Variants in AUNIP observed in about 807,000 individuals in gnomAD.
AUNIP encodes the protein aurora kinase A- and ninein-interacting protein.
Under a neutral mutation model 12.2 loss-of-function variants are expected in AUNIP, and 16 were observed. The observed-to-expected ratio is 1.31, with a 90% CI of 0.88 to 1.99. The LOEUF (loss-of-function observed/expected upper bound fraction) is 1.99, where lower values mean the gene tolerates loss of function less well. AUNIP is among the 30% of genes most tolerant of loss of function. AUNIP has a pLI of 0.00. For missense variants in AUNIP, 411 were observed against 419.1 expected, an observed-to-expected ratio of 0.98 and a Z score of 0.17; for synonymous variants, 142 against 154.8, an observed-to-expected ratio of 0.92 and a Z score of 0.61.
Position 25,835,399 on chromosome 1 carries a change from C to T in AUNIP, c.668G>A (p.Cys223Tyr). 6.2e-7 allele frequency: 1 copy of T among 1,614,254 alleles called. No individual in the cohort carries two copies. Among genetic ancestry groups the T allele is most frequent in the East Asian group, 2.2e-5 (1 of 44,886 alleles). Residue 223 changes from cysteine (C) to tyrosine (Y), a missense_variant, in exon 3 of 3, where the codon TGT (cysteine) becomes TAT (tyrosine). Transcript: ENST00000374298. ...CAATTTAGTCTTGCCTAAGGGCTGA[C>T]AGCATTTGTCCCCAGGTAGTTTGGT... is the stretch of plus-strand genomic sequence containing the variant. ...KHTKLPGDKC[C>Y]QPLGKTKLER...
Position 25,859,317 on chromosome 1 carries a change from C to A in AUNIP, c.41G>T (p.Trp14Leu). ...TGPEEEACGV[W>L]LDAAALKRRK... ...CCTCTTCAGCGCCGCCGCGTCCAGC[C>A]ACACGCCGCAGGCCTCCTCCTCGGG... is the stretch of plus-strand genomic sequence containing the variant. The change falls in exon 1 of 3, where the codon TGG (tryptophan) becomes TTG (leucine). Residue 14 changes from tryptophan (W) to leucine (L), a missense_variant. Coordinates refer to ENST00000374298, the MANE Select transcript of AUNIP (RefSeq NM_024037.3). 6.4e-7 allele frequency: 1 copy of A among 1,573,572 alleles called. No individual in the cohort carries two copies.
chr1:25,841,799 C>T (rs2048349399), intron 1 of AUNIP, among the ~76,000 whole-genome samples: 1 of 152,180 alleles, frequency 6.6e-6, no homozygotes, highest in African/African-American at 2.4e-5. Flanking sequence ...GCTGAGATTA[C>T]AGGCGTGAGC....
At chr1:25,832,191 A>C (rs1239181905), downstream of AUNIP, 20 of 1,537,252 alleles carry the variant, frequency 1.3e-5, no homozygotes, top group Non-Finnish European at 1.7e-5. Context: ...TATATTTCCC[A>C]GACTTCAAAC....
At chr1:25,832,712 C>G (rs1378387333), downstream of AUNIP, 1 of 156,240 alleles carries the variant, frequency 6.4e-6, no homozygotes, top group Non-Finnish European at 1.4e-5. Context: ...TAAAAACTTT[C>G]TCTTCCACGG....
rs1387903080 is a variant in AUNIP at position 25,834,717 on chromosome 1, T to C, written c.*276A>G. 8.1e-7 allele frequency: 1 copy of C among 1,231,864 alleles called. No individual in the cohort carries two copies. Among genetic ancestry groups the C allele is most frequent in the Non-Finnish European group, 1.0e-6 (1 of 983,744 alleles). 76.3% of individuals were successfully genotyped at this position (1,231,864 alleles called of 1,614,324 possible). On this transcript the variant is annotated 3_prime_UTR_variant, in exon 3 of 3. Transcript: ENST00000374298. The stretch of plus-strand genomic sequence containing the variant: ...GCAGGCTGAGTAAAAGGCACTTTCA[T>C]AGAGATAAATACCCACTGTGCTGCC...
intron 1 of AUNIP, among the ~76,000 whole-genome samples, chr1:25,857,396 C>T (rs537623391): frequency 6.6e-6 from 1 of 151,282 alleles, no homozygotes; most frequent in Non-Finnish European, 1.5e-5. Context: ...CAGGTACCTG[C>T]CACCACGCCC....
chr1:25,844,763 TC>T (rs1451510944), intron 1 of AUNIP, among the ~76,000 whole-genome samples: 3 of 152,184 alleles, frequency 2.0e-5, no homozygotes. Context: ...CACTCCTTCT[TC>T]CTTTATGCTT....
At position 25,843,183 on chromosome 1, in the gene AUNIP, A is replaced by AT. The variant is rs1188949749; in HGVS notation, c.79-5630_79-5629insA. Among the ~76,000 whole-genome samples the AT allele has an allele frequency of 6.1e-3, 697 of 114,246 alleles. 4 individuals are homozygous for AT. Among genetic ancestry groups the AT allele is most frequent in the African/African-American group, 0.013 (427 of 32,816 alleles). The allele number at this position is 114,246 out of a possible 152,430, so 74.9% of individuals were successfully genotyped here. On this transcript the variant is annotated intron_variant, in intron 1 of 2. Coordinates refer to ENST00000374298, the MANE Select transcript of AUNIP (RefSeq NM_024037.3). ...CAGAGACCCCATCTCAAAAAAAAAA[A>AT]AAATATATATATATATATATTTTAC... is the stretch of plus-strand genomic sequence containing the variant.
At chr1:25,832,463 T>C, downstream of AUNIP, 1 of 394,314 alleles carries the variant, frequency 2.5e-6, no homozygotes, top group South Asian at 2.9e-5. Context: ...CTATGAATGT[T>C]TGTATACATG....
At chr1:25,851,517 T>G (rs2048424148) in intron 1 of AUNIP, among the ~76,000 whole-genome samples, 1 of 152,216 alleles carries the variant, frequency 6.6e-6, no homozygotes, top group African/African-American at 2.4e-5. Flanking sequence ...TTGCAGGAAG[T>G]TTTAAAATTA....
Position 25,835,306 on chromosome 1 carries a change from C to T in AUNIP, c.761G>A (p.Trp254Ter). ...CACTGATTCTATGTTTTCTCCATTC[C>T]AGGATTCCCTGTATGTTTGAAGGAG... ...PVLLQTYRESWNGENIESVKQ... is the reference protein window; with the variant it reads ...PVLLQTYRES The change falls in exon 3 of 3, where the codon TGG (tryptophan) becomes TAG (stop). Residue 254 changes from tryptophan (W) to a stop codon, truncating the protein, a stop_gained. Transcript: ENST00000374298. LOFTEE classifies it high-confidence loss of function. 1 of 1,614,228 alleles carries T rather than the reference C, an allele frequency of 6.2e-7. No individual in the cohort carries two copies. Among genetic ancestry groups the T allele is most frequent in the Non-Finnish European group, 8.5e-7 (1 of 1,180,042 alleles).
chr1:25,853,228 A>G (rs2048436198), intron 1 of AUNIP, among the ~76,000 whole-genome samples: 1 of 152,236 alleles, frequency 6.6e-6, no homozygotes, highest in African/African-American at 2.4e-5. Flanking sequence ...ATTGTTCACA[A>G]AATCTTTCTT....
chr1:25,856,825 T>G (rs2048465286), intron 1 of AUNIP, among the ~76,000 whole-genome samples: 1 of 151,270 alleles, frequency 6.6e-6, no homozygotes, highest in Admixed American at 6.6e-5. Flanking sequence ...ATTAAACTGG[T>G]GGCTGGGTGC....
rs1023572603 is a variant in AUNIP at position 25,835,271 on chromosome 1, G to A, written c.796C>T (p.Arg266Cys). 6.2e-6 allele frequency: 10 copies of A among 1,614,066 alleles called. No homozygotes were observed. The highest frequency in any genetic ancestry group is 2.7e-5 in the African/African-American group (2 of 74,932). ...CAGGAAAACACAGAAACTGGACTAC[G>A]GCTTTGTTTCACTGATTCTATGTTT... ...GENIESVKQS[R>C]SPVSVFSWDN... Residue 266 changes from arginine (R) to cysteine (C), a missense_variant, in exon 3 of 3, where the codon CGT becomes TGT. By Grantham distance (180) the Arg-to-Cys change is radical. Coordinates refer to ENST00000374298, the MANE Select transcript of AUNIP (RefSeq NM_024037.3).
At chr1:25,846,416 CAAAAA>C (rs57719994) in intron 1 of AUNIP, among the ~76,000 whole-genome samples, 2 of 29,832 alleles carry the variant, frequency 6.7e-5, no homozygotes, top group African/African-American at 3.1e-4. Context: ...GACTCCATCT[CAAAAA>C]AAAAAAAAAA....
At position 25,834,461 on chromosome 1, in the gene AUNIP, A is replaced by G. The variant is rs188171076; in HGVS notation, c.*532T>C. Reference sequence around the variant, plus strand: ...AAACCTCGTCTCTACTAAAAATCCAAAAAAAATTAGCTGGGCGTGGTGGCG... The same window carrying G: ...AAACCTCGTCTCTACTAAAAATCCAGAAAAAATTAGCTGGGCGTGGTGGCG... On this transcript the variant is annotated 3_prime_UTR_variant, in exon 3 of 3. Coordinates refer to ENST00000374298, the MANE Select transcript of AUNIP (RefSeq NM_024037.3). 5 of 782,452 alleles carry G rather than the reference A, an allele frequency of 6.4e-6. No individual in the cohort carries two copies. Among genetic ancestry groups the G allele is most frequent in the Non-Finnish European group, 3.1e-6 (2 of 645,334 alleles). The allele number at this position is 782,452 out of a possible 1,614,324, so 48.5% of individuals were successfully genotyped here.
chr1:25,846,935 G>A (rs1372180504), intron 1 of AUNIP, among the ~76,000 whole-genome samples: 9 of 152,288 alleles, frequency 5.9e-5, no homozygotes, highest in Non-Finnish European at 8.8e-5. Flanking sequence ...AAAGAAAGAC[G>A]ACCATTGTGC....
intron 1 of AUNIP, among the ~76,000 whole-genome samples, chr1:25,855,825 T>C (rs1319070921): frequency 1.3e-5 from 2 of 152,116 alleles, no homozygotes; most frequent in South Asian, 4.1e-4. Flanking sequence ...CTTCTCTGGG[T>C]TGGAAGTCAG....
In AUNIP at chr1:25,835,751, A is replaced by G. The variant is rs755159717; in HGVS notation, c.316T>C (p.Leu106=). 5 of 1,614,098 alleles carry G rather than the reference A, an allele frequency of 3.1e-6. No homozygotes were observed. Among genetic ancestry groups the G allele is most frequent in the Middle Eastern group, 1.6e-4 (1 of 6,084 alleles). ...CAATCGTGTGCTAAGCCTGGGATCAAATGGTCTAGCTGGGTCGCATTTTTC... is the reference window on the plus strand; with the variant it reads ...CAATCGTGTGCTAAGCCTGGGATCAGATGGTCTAGCTGGGTCGCATTTTTC... The part of the protein sequence containing the change: ...SKKNATQLDH[L]IPGLAHDCMA... The change falls in exon 3 of 3, where the codon TTG becomes CTG. Residue 106 remains leucine (L), a synonymous_variant. Transcript: ENST00000374298.
Sources: allele counts gnomAD v4.1 joint callset (sites outside exome capture counted in the v4.1 genomes callset), GRCh38; gene constraint gnomAD v4.1.1; transcripts MANE v1.5; gene names NCBI Gene and HGNC (gene_info 2026-07-23, HGNC 2026-07-21).